The following ST18 variants were observed in gnomAD, a reference collection of about 807,000 sequenced individuals.
ST18 encodes ST18 C2H2C-type zinc finger transcription factor.
Under a neutral mutation model 110.0 loss-of-function variants are expected in ST18, and 50 were observed. The observed-to-expected ratio is 0.45, with a 90% CI of 0.36 to 0.58. ST18 has a LOEUF of 0.58. ST18 is among the 20% of genes least tolerant of loss of function. The pLI, the probability that ST18 is intolerant of heterozygous loss-of-function variation, is 0.00. For synonymous variants in ST18, 461 were observed against 452.4 expected (o/e 1.02, Z -0.24); for missense variants, 1,306 against 1,280.1 (o/e 1.02, Z -0.31).
intron 8 of ST18, among the ~76,000 whole-genome samples, chr8:52,180,612 T>G (rs1587889454): frequency 6.6e-6 from 1 of 152,144 alleles, no homozygotes; most frequent in African/African-American, 2.4e-5. Context: ...AAACAAGATT[T>G]GCACTGGTTT....
chr8:52,306,599 A>G (rs2095816973), intron 2 of ST18, among the ~76,000 whole-genome samples: 1 of 152,242 alleles, frequency 6.6e-6, no homozygotes, highest in Non-Finnish European at 1.5e-5. Context: ...TGGGCTGTAT[A>G]GTAGGTGAAT....
intron 17 of ST18, among the ~76,000 whole-genome samples, chr8:52,142,712 ATCT>A (rs2055654734): frequency 6.6e-6 from 1 of 152,200 alleles, no homozygotes; most frequent in Admixed American, 6.5e-5. Flanking sequence ...TAATTGTGTT[ATCT>A]TATTTTGTTT....
intron 2 of ST18, among the ~76,000 whole-genome samples, chr8:52,373,343 T>G (rs1290867842): frequency 6.6e-6 from 1 of 152,168 alleles, no homozygotes; most frequent in Non-Finnish European, 1.5e-5. Flanking sequence ...GAACTCCCAG[T>G]CATCTCCCCT....
intron 2 of ST18, among the ~76,000 whole-genome samples, chr8:52,241,544 A>C (rs530484129): frequency 6.6e-6 from 1 of 152,350 alleles, no homozygotes; most frequent in South Asian, 2.1e-4. Flanking sequence ...CAAGGTTGGC[A>C]GCTTTGCCTA....
chr8:52,178,645 C>CA lies in ST18; in HGVS notation c.277+1476dup, dbSNP rs1563897561. The stretch of plus-strand genomic sequence containing the variant: ...AAAAAAAAAAAAAAAAAAAAAAAAC[C>CA]ACCAAAAACCAAAATAAAACAAACA... On this transcript the variant is annotated intron_variant, in intron 9 of 25. Coordinates refer to ENST00000689386, the MANE Select transcript of ST18 (RefSeq NM_001352837.2). 1.7e-4 allele frequency among the ~76,000 whole-genome samples: 5 copies of CA among 30,116 alleles called. 2 individuals carry two copies. In the East Asian group the frequency reaches 4.2e-3, roughly 25 times the overall value. The allele number at this position is 30,116 out of a possible 152,430, so 19.8% of individuals were successfully genotyped here.
intron 2 of ST18, among the ~76,000 whole-genome samples, chr8:52,311,626 A>T (rs1426217029): frequency 1.3e-5 from 2 of 152,220 alleles, no homozygotes; most frequent in African/African-American, 4.8e-5. Context: ...GGAAACTTAC[A>T]ATCATGGCAG....
chr8:52,216,638 G>A (rs1319705324), intron 6 of ST18, among the ~76,000 whole-genome samples: 3 of 152,078 alleles, frequency 2.0e-5, no homozygotes, highest in Admixed American at 1.3e-4. Context: ...TGTGTTTTTC[G>A]GTGTGGAGAG....
intron 2 of ST18, among the ~76,000 whole-genome samples, chr8:52,266,591 G>A (rs1193772524): frequency 1.3e-5 from 2 of 150,688 alleles, no homozygotes; most frequent in Admixed American, 6.6e-5. Flanking sequence ...GCCCAGGCTG[G>A]AGTGCAGTGG....
rs775768910 is a variant in ST18 at position 52,149,717 on chromosome 8, A to T, written c.2052+15T>A. 1 of 1,610,654 alleles carries T rather than the reference A, an allele frequency of 6.2e-7. No individual in the cohort carries two copies. Among genetic ancestry groups the T allele is most frequent in the African/African-American group, 1.3e-5 (1 of 74,986 alleles). ...TGCTGTCTTCAACTTATTGATTGACATATGGAAACAATACCTCTTTCTCCT... is the reference window on the plus strand; with the variant it reads ...TGCTGTCTTCAACTTATTGATTGACTTATGGAAACAATACCTCTTTCTCCT... On this transcript the variant is annotated intron_variant, in intron 16 of 25. Coordinates refer to ENST00000689386, the MANE Select transcript of ST18 (RefSeq NM_001352837.2).
intron 9 of ST18, among the ~76,000 whole-genome samples, chr8:52,174,926 C>T (rs1404392595): frequency 6.6e-6 from 1 of 152,062 alleles, no homozygotes; most frequent in African/African-American, 2.4e-5. Flanking sequence ...CTTGTTTCTC[C>T]CAGCTTTGCA....
At chr8:52,123,589 G>A (rs1385824488) in intron 23 of ST18, among the ~76,000 whole-genome samples, 1 of 152,178 alleles carries the variant, frequency 6.6e-6, no homozygotes, top group Non-Finnish European at 1.5e-5. Context: ...TGTAAAACGT[G>A]TACTTTTCCA....
At position 52,165,151 on chromosome 8, in the gene ST18, G is replaced by A. The variant is rs2062536436; in HGVS notation, c.1279C>T (p.Arg427Cys). ...CTGRGHVNSNRNTHRSLSGCP... is the reference protein window; with the variant it reads ...CTGRGHVNSNCNTHRSLSGCP... ...GAGAATTACCTCCTGTGGGTGTTGC[G>A]GTTGCTGTTCACATGACCCCTTCCT... Residue 427 changes from arginine to cysteine, a missense_variant, in exon 12 of 26, where the codon CGC becomes TGC. By Grantham distance (180) the Arg-to-Cys change is radical. Transcript: ENST00000689386. 2.5e-6 allele frequency: 4 copies of A among 1,614,118 alleles called. No homozygotes were observed. Among genetic ancestry groups the A allele is most frequent in the Non-Finnish European group, 3.4e-6 (4 of 1,180,010 alleles).
In ST18 at chr8:52,180,217, G is replaced by T; in HGVS notation, c.182C>A (p.Pro61His). The T allele has an allele frequency of 6.2e-7, 1 of 1,614,102 alleles. No individual in the cohort carries two copies. The highest frequency in any genetic ancestry group is 8.5e-7 in the Non-Finnish European group (1 of 1,180,020). Reference protein sequence around the residue: ...VNKRKSLLMKPRHYSPKADCQ... With the variant: ...VNKRKSLLMKHRHYSPKADCQ... ...GTCTGCTTTTGGGCTGTAGTGTCGG[G>T]GCTTCATTAGCAGGGATTTCCTTTT... The change falls in exon 9 of 26, where the codon CCC becomes CAC. Residue 61 changes from proline to histidine, a missense_variant. Coordinates refer to ENST00000689386, the MANE Select transcript of ST18 (RefSeq NM_001352837.2).
chr8:52,215,056 T>A (rs2083620524), intron 6 of ST18, among the ~76,000 whole-genome samples: 1 of 152,176 alleles, frequency 6.6e-6, no homozygotes, highest in African/African-American at 2.4e-5. Flanking sequence ...CAGGAGGAAT[T>A]CTTAAATATA....
At chr8:52,345,767 T>C (rs1430629264) in intron 2 of ST18, among the ~76,000 whole-genome samples, 1 of 152,146 alleles carries the variant, frequency 6.6e-6, no homozygotes, top group African/African-American at 2.4e-5. Context: ...TATTCTGACA[T>C]TTGGTAGGGC....
chr8:52,150,033 C>A, intron 15 of ST18, 56 bp from the exon 16 acceptor site: 1 of 1,552,768 alleles, frequency 6.4e-7, no homozygotes, highest in Non-Finnish European at 8.7e-7. Flanking sequence ...TACAGCCTAG[C>A]CATGTGGGGC....
chr8:52,142,845 A>G (rs1197071251), intron 17 of ST18, 85 bp downstream of exon 17: 3 of 1,030,608 alleles, frequency 2.9e-6, no homozygotes, highest in East Asian at 2.4e-5. Flanking sequence ...CATCAACTGT[A>G]TAAGCCAGGA....
rs554194224 is a variant in ST18 at position 52,337,746 on chromosome 8, T to C, written c.-465+71582A>G. 3.9e-5 allele frequency among the ~76,000 whole-genome samples: 6 copies of C among 152,344 alleles called. No homozygotes were observed. In the South Asian group the frequency reaches 1.2e-3, roughly 32 times the overall value. ...GGATACCAAAGCTTCTCTATCTACATCAAAGCCCTCAGTAAGCTGCATTGC... is the reference window on the plus strand; with the variant it reads ...GGATACCAAAGCTTCTCTATCTACACCAAAGCCCTCAGTAAGCTGCATTGC... On this transcript the variant is annotated intron_variant, in intron 2 of 25. Transcript: ENST00000689386.
intron 2 of ST18, among the ~76,000 whole-genome samples, chr8:52,241,368 A>AT (rs2093383384): frequency 1.3e-5 from 2 of 152,190 alleles, no homozygotes; most frequent in South Asian, 4.1e-4. Context: ...CCAGAACTTT[A>AT]TTTTTTAGAG....
Sources: gnomAD v4.1 joint callset for allele counts (sites outside exome capture counted in the v4.1 genomes callset) on GRCh38, gnomAD v4.1.1 for gene constraint, MANE v1.5 for transcripts, NCBI Gene and HGNC (gene_info 2026-07-23, HGNC 2026-07-21) for gene names.